The following KCTD1 variants were observed in gnomAD, a reference collection of about 807,000 sequenced individuals.
KCTD1 encodes potassium channel tetramerization domain containing 1, also known as BTB/POZ domain-containing protein KCTD1.
In KCTD1, 24 loss-of-function variants were observed where a neutral mutation model predicts 66.0. The observed-to-expected ratio is 0.36, with a 90% CI of 0.26 to 0.51. The LOEUF (loss-of-function observed/expected upper bound fraction) is 0.51. Ranked by LOEUF, KCTD1 falls within the 20% of genes least tolerant of loss-of-function variation. The pLI is 0.95. For synonymous variants in KCTD1, 511 were observed against 517.2 expected (o/e 0.99, Z 0.16); for missense variants, 943 against 1,205.2 (o/e 0.78, Z 3.22).
intron 1 of KCTD1, among the ~76,000 whole-genome samples, chr18:26,610,125 T>C (rs1018808266): frequency 6.6e-6 from 1 of 152,252 alleles, no homozygotes; most frequent in Non-Finnish European, 1.5e-5. Context: ...TGTCTGTCCC[T>C]ATCTATCTTG....
chr18:26,549,411 C>G, upstream of KCTD1: 1 of 985,636 alleles, frequency 1.0e-6, no homozygotes, highest in Non-Finnish European at 1.2e-6. Flanking sequence ...CCCCGTAGGT[C>G]TGGGGCAAGT....
At position 26,484,943 on chromosome 18, in the gene KCTD1, G is replaced by A. The variant is rs1013819602; in HGVS notation, c.1989-8284C>T. ...GATGGGTGACGTACAGACACAGCCA[G>A]TGAGGAGCATTTCTCTCAGTATTGA... is the stretch of plus-strand genomic sequence containing the variant. On this transcript the variant is annotated intron_variant, in intron 2 of 4. Coordinates refer to ENST00000580059, the MANE Select transcript of KCTD1 (RefSeq NM_001142730.3). 2.0e-4 allele frequency among the ~76,000 whole-genome samples: 30 copies of A among 152,180 alleles called. 1 individual carries two copies. The highest frequency in any genetic ancestry group is 6.0e-4 in the African/African-American group (25 of 41,438).
At chr18:26,627,326 G>A (rs1222517550) in intron 1 of KCTD1, among the ~76,000 whole-genome samples, 1 of 150,892 alleles carries the variant, frequency 6.6e-6, no homozygotes. Context: ...CTTAATGCCA[G>A]TAAGCCTAAC....
At chr18:26,525,141 T>G (rs888685965) in intron 1 of KCTD1, among the ~76,000 whole-genome samples, 5 of 152,176 alleles carry the variant, frequency 3.3e-5, no homozygotes, top group African/African-American at 1.2e-4. Context: ...AAATCTTGGT[T>G]TCTTTTGCAC....
At chr18:26,465,306 A>C (rs1238745314) in intron 3 of KCTD1, among the ~76,000 whole-genome samples, 3 of 150,880 alleles carry the variant, frequency 2.0e-5, no homozygotes, top group Non-Finnish European at 4.4e-5. Flanking sequence ...CTGGTCTTGA[A>C]CTCCCGACCT....
At chr18:26,546,619 A>C in intron 1 of KCTD1, 109 bp downstream of exon 1, 1 of 1,281,724 alleles carries the variant, frequency 7.8e-7, no homozygotes, top group Non-Finnish European at 1.0e-6. Flanking sequence ...GATTCAGTAC[A>C]TTACCTACTT....
chr18:26,600,791 G>C (rs1986876741), intron 1 of KCTD1, among the ~76,000 whole-genome samples: 1 of 151,846 alleles, frequency 6.6e-6, no homozygotes, highest in Non-Finnish European at 1.5e-5. Flanking sequence ...CACGAGTCAA[G>C]TGTCTCACAA....
chr18:26,650,467 T>C (rs1483313298), intron 1 of KCTD1, among the ~76,000 whole-genome samples: 1 of 152,258 alleles, frequency 6.6e-6, no homozygotes, highest in Non-Finnish European at 1.5e-5. Flanking sequence ...GCTAGGCATA[T>C]ACATCCTGTT....
At chr18:26,492,067 C>T (rs533405670) in intron 2 of KCTD1, among the ~76,000 whole-genome samples, 1 of 152,174 alleles carries the variant, frequency 6.6e-6, no homozygotes, top group South Asian at 2.1e-4. Flanking sequence ...CAAAGTGAGA[C>T]CTCGTCTCTA....
At chr18:26,573,216 A>G (rs1383908996) in intron 1 of KCTD1, among the ~76,000 whole-genome samples, 5 of 152,162 alleles carry the variant, frequency 3.3e-5, no homozygotes, top group Non-Finnish European at 7.3e-5. Flanking sequence ...AGTCAAATTC[A>G]TAGAAATAAA....
intron 1 of KCTD1, among the ~76,000 whole-genome samples, chr18:26,636,976 C>G (rs1006651097): frequency 1.2e-4 from 19 of 152,228 alleles, no homozygotes; most frequent in African/African-American, 4.3e-4. Flanking sequence ...TGGAATTCCA[C>G]AGCAGAGAAG....
At chr18:26,635,276 T>C (rs1245407634) in intron 1 of KCTD1, among the ~76,000 whole-genome samples, 1 of 152,216 alleles carries the variant, frequency 6.6e-6, no homozygotes, top group Non-Finnish European at 1.5e-5. Context: ...TGTTTTCTCT[T>C]CTATAAAGTA....
chr18:26,543,667 G>A (rs1598931307), intron 1 of KCTD1: 1 of 152,218 alleles, frequency 6.6e-6, no homozygotes, highest in African/African-American at 2.4e-5. Context: ...ACAAACAGGG[G>A]ATGTGTACCA....
chr18:26,458,438 G>A (rs1980221252), intron 4 of KCTD1: 1 of 152,166 alleles, frequency 6.6e-6, no homozygotes, highest in Admixed American at 6.5e-5. Flanking sequence ...GAAAAAACTA[G>A]AACCCTCACT....
At chr18:26,466,518 G>A (rs190611305) in intron 3 of KCTD1, among the ~76,000 whole-genome samples, 2 of 152,310 alleles carry the variant, frequency 1.3e-5, no homozygotes, top group African/African-American at 2.4e-5. Flanking sequence ...TGTTGCAACC[G>A]GGAAGGGGGT....
At chr18:26,470,823 C>T (rs1598880131) in intron 3 of KCTD1, among the ~76,000 whole-genome samples, 1 of 152,114 alleles carries the variant, frequency 6.6e-6, no homozygotes, top group African/African-American at 2.4e-5. Flanking sequence ...AAAAAGATGA[C>T]TCCTGAATTC....
chr18:26,613,384 C>T (rs1406114749), intron 1 of KCTD1, among the ~76,000 whole-genome samples: 1 of 152,194 alleles, frequency 6.6e-6, no homozygotes, highest in Non-Finnish European at 1.5e-5. Flanking sequence ...ACCACCCAGC[C>T]TGTGAAGTAA....
intron 1 of KCTD1, among the ~76,000 whole-genome samples, chr18:26,650,856 C>A (rs1029492544): frequency 5.3e-5 from 8 of 152,244 alleles, no homozygotes; most frequent in African/African-American, 1.9e-4. Flanking sequence ...GGAAGAATAT[C>A]CCTTCCTCTA....
chr18:26,487,479 C>T (rs988114879), intron 2 of KCTD1, among the ~76,000 whole-genome samples: 11 of 152,326 alleles, frequency 7.2e-5, no homozygotes, highest in African/African-American at 2.2e-4. Context: ...GTTGGCTTTA[C>T]GCTCTGAGAA....
Sources: gnomAD v4.1 joint callset for allele counts (sites outside exome capture counted in the v4.1 genomes callset) on GRCh38, gnomAD v4.1.1 for gene constraint, MANE v1.5 for transcripts, NCBI Gene and HGNC (gene_info 2026-07-23, HGNC 2026-07-21) for gene names.